Variants in DPP6 observed in about 807,000 individuals in gnomAD.
The protein encoded by DPP6 is dipeptidyl peptidase like 6.
In DPP6, 69 loss-of-function variants were observed where a neutral mutation model predicts 122.6. The ratio of observed to expected loss-of-function variants is 0.56; its 90% confidence interval spans 0.46 to 0.69. The LOEUF (loss-of-function observed/expected upper bound fraction) is 0.69. Ranked by LOEUF, DPP6 falls within the 30% of genes least tolerant of loss-of-function variation. The pLI, the probability that DPP6 is intolerant of heterozygous loss-of-function variation, is 0.00. For synonymous variants in DPP6, 418 were observed against 433.1 expected (o/e 0.97, Z 0.43); for missense variants, 928 against 1,116.9 (o/e 0.83, Z 2.41).
chr7:154,483,167 G>T lies in DPP6; in HGVS notation c.457+8130G>T, dbSNP rs140833464. On this transcript the variant is annotated intron_variant, in intron 3 of 25. Transcript: ENST00000377770. The surrounding 1 kb of genome is among the most constrained non-coding windows in gnomAD (Gnocchi z 8.1). ...GAGGCAGGAGGAGAACTTCTACCAC[G>T]CCACGTCAAAGTCAAGGCAGGAGAA... 6.6e-6 allele frequency among the ~76,000 whole-genome samples: 1 copy of T among 152,030 alleles called. No homozygotes were observed. Among genetic ancestry groups the T allele is most frequent in the Non-Finnish European group, 1.5e-5 (1 of 68,006 alleles).
chr7:154,528,957 G>A (rs1827631621), intron 3 of DPP6, among the ~76,000 whole-genome samples: 1 of 152,176 alleles, frequency 6.6e-6, no homozygotes, highest in Non-Finnish European at 1.5e-5. Flanking sequence ...GGGAAGAGGG[G>A]CCAAGGCCAG....
At chr7:154,265,426 G>C (rs1027015769) in intron 1 of DPP6, among the ~76,000 whole-genome samples, 6 of 152,206 alleles carry the variant, frequency 3.9e-5, no homozygotes, top group African/African-American at 7.2e-5. Context: ...TGCCACTCAA[G>C]TCCTTGGGAT....
intron 1 of DPP6, among the ~76,000 whole-genome samples, chr7:154,133,593 CATT>C (rs1279333702): frequency 6.6e-6 from 1 of 152,150 alleles, no homozygotes; most frequent in Non-Finnish European, 1.5e-5. Flanking sequence ...GACTTCCTCA[CATT>C]ATAGTTTTTG....
chr7:153,788,390 T>G, the DPP6 span, among the ~76,000 whole-genome samples: 2 of 152,200 alleles, frequency 1.3e-5, no homozygotes, highest in African/African-American at 4.8e-5. Flanking sequence ...CGTGCAAAAG[T>G]TTCACTGAAG....
the DPP6 span, among the ~76,000 whole-genome samples, chr7:153,847,664 C>A: frequency 6.6e-6 from 1 of 152,156 alleles, no homozygotes; most frequent in Non-Finnish European, 1.5e-5. Context: ...TTAGCAGACA[C>A]TCCAAAGTGT....
intron 1 of DPP6, among the ~76,000 whole-genome samples, chr7:154,221,778 C>A (rs942509500): frequency 2.0e-5 from 3 of 152,186 alleles, no homozygotes; most frequent in Admixed American, 1.3e-4. Flanking sequence ...CTATTAACCT[C>A]TGCTGAATTA....
chr7:154,087,145 C>T (rs1460658219), intron 1 of DPP6, among the ~76,000 whole-genome samples: 3 of 151,444 alleles, frequency 2.0e-5, no homozygotes, highest in Admixed American at 6.6e-5. Context: ...GAACATTGTT[C>T]ATGCAAAGGA....
chr7:154,489,468 C>A (rs1185980273), intron 3 of DPP6, among the ~76,000 whole-genome samples: 5 of 152,146 alleles, frequency 3.3e-5, no homozygotes, highest in African/African-American at 1.2e-4. Flanking sequence ...GGTGTCTTTT[C>A]TCATATCTCT....
chr7:154,716,502 C>T (rs977155703), intron 7 of DPP6, among the ~76,000 whole-genome samples: 1 of 152,200 alleles, frequency 6.6e-6, no homozygotes, highest in Non-Finnish European at 1.5e-5. Context: ...TCTCCAGGCC[C>T]CTCCTCTAAA....
intron 17 of DPP6, among the ~76,000 whole-genome samples, chr7:154,864,027 G>A (rs768615941): frequency 4.6e-5 from 7 of 152,162 alleles, no homozygotes; most frequent in Non-Finnish European, 1.0e-4. Context: ...CACGTGAGGA[G>A]TGAGCAGAAA....
intron 4 of DPP6, among the ~76,000 whole-genome samples, chr7:154,566,233 TG>T (rs747824833): frequency 5.3e-5 from 8 of 152,232 alleles, no homozygotes; most frequent in Non-Finnish European, 1.0e-4. Context: ...TTGAGAGTTT[TG>T]TAGAAAAGTT....
Position 153,993,869 on chromosome 7 carries a change from A to C in DPP6, c.51+106135A>C, listed in dbSNP as rs530605233. On this transcript the variant is annotated intron_variant, in intron 1 of 25. Coordinates refer to the DPP6 transcript ENST00000404039. ...ATCTCCTGTCTTTAGCCAGGGAAGCACCTGTATGCCCCAATTCTGGCCAAT... is the reference window on the plus strand; with the variant it reads ...ATCTCCTGTCTTTAGCCAGGGAAGCCCCTGTATGCCCCAATTCTGGCCAAT... Among the ~76,000 whole-genome samples the C allele has an allele frequency of 7.9e-5, 12 of 152,268 alleles. No homozygotes were observed. The South Asian group carries it at 2.1e-3, about 26-fold the overall frequency.
At chr7:154,066,060 C>CTT (rs539320144) in intron 1 of DPP6, among the ~76,000 whole-genome samples, 2,795 of 133,320 alleles carry the variant, frequency 0.021, 42 homozygotes, top group Middle Eastern at 0.041. Context: ...TTTTTTTTTA[C>CTT]TTTTTTTTTT....
intron 8 of DPP6, among the ~76,000 whole-genome samples, chr7:154,754,215 G>A (rs927018519): frequency 3.9e-5 from 6 of 152,278 alleles, no homozygotes; most frequent in South Asian, 2.1e-4. Flanking sequence ...TTTCTGCAGC[G>A]CATCATAAAA....
intron 3 of DPP6, among the ~76,000 whole-genome samples, chr7:154,534,754 T>C (rs1405073959): frequency 1.3e-5 from 2 of 152,132 alleles, no homozygotes; most frequent in East Asian, 1.9e-4. Context: ...TGTTCATGGA[T>C]TGGAATAAGC....
intron 8 of DPP6, among the ~76,000 whole-genome samples, chr7:154,737,362 C>T (rs1387735500): frequency 2.0e-5 from 3 of 152,196 alleles, no homozygotes; most frequent in Non-Finnish European, 4.4e-5. Context: ...GCCTATTACC[C>T]GTGCTCATCC....
chr7:154,579,238 A>G (rs1200160410), intron 5 of DPP6, among the ~76,000 whole-genome samples: 2 of 152,072 alleles, frequency 1.3e-5, no homozygotes, highest in Non-Finnish European at 2.9e-5. Flanking sequence ...AATCACAGCT[A>G]CTCAGGAGAC....
intron 1 of DPP6, among the ~76,000 whole-genome samples, chr7:153,905,422 G>C (rs1585011062): frequency 6.6e-6 from 1 of 152,140 alleles, no homozygotes; most frequent in South Asian, 2.1e-4. Flanking sequence ...AGCAAAAGCA[G>C]ATTGAGATTA....
the DPP6 span, among the ~76,000 whole-genome samples, chr7:153,864,630 C>G: frequency 6.6e-6 from 1 of 151,228 alleles, no homozygotes; most frequent in Non-Finnish European, 1.5e-5. Context: ...ACACTCCAGC[C>G]TGGGCAACAG....
Sources: gnomAD v4.1 joint callset for allele counts (sites outside exome capture counted in the v4.1 genomes callset) on GRCh38, gnomAD v4.1.1 for gene constraint, Gnocchi (gnomAD v3.1) non-coding constraint, MANE v1.5 for transcripts, NCBI Gene and HGNC (gene_info 2026-07-23, HGNC 2026-07-21) for gene names.